Variants in LEKR1 observed in about 807,000 individuals in gnomAD.
The protein encoded by LEKR1 is protein LEKR1.
A neutral mutation model predicts 72.4 loss-of-function variants in LEKR1; 59 were observed. The observed-to-expected ratio is 0.82, with a 90% confidence interval of 0.66 to 1.01. The LOEUF (loss-of-function observed/expected upper bound fraction) is 1.01. Ranked by LOEUF, LEKR1 falls within the 50% of genes least tolerant of loss-of-function variation. The pLI is 0.00. For missense variants in LEKR1, 728 were observed against 759.2 expected (o/e 0.96, Z 0.48); for synonymous variants, 257 against 263.2 (o/e 0.98, Z 0.23).
At chr3:156,920,918 G>A (rs1724136404) in intron 4 of LEKR1, 1 of 263,898 alleles carries the variant, frequency 3.8e-6, no homozygotes, top group South Asian at 1.0e-4. Context: ...TTAGTGCCTT[G>A]TTACTGTTCT....
intron 10 of LEKR1, among the ~76,000 whole-genome samples, chr3:157,012,102 T>C (rs1732938054): frequency 6.6e-6 from 1 of 152,138 alleles, no homozygotes; most frequent in South Asian, 2.1e-4. Context: ...ATAATAAAAG[T>C]AATATTTTAA....
intron 11 of LEKR1, among the ~76,000 whole-genome samples, 161 bp downstream of exon 11, chr3:157,025,085 C>T (rs1276166132): frequency 6.6e-6 from 1 of 152,094 alleles, no homozygotes; most frequent in East Asian, 1.9e-4. Flanking sequence ...GGCTAATTCT[C>T]CAGAATGGAT....
chr3:156,903,503 C>T (rs1381270775), intron 3 of LEKR1, among the ~76,000 whole-genome samples: 4 of 152,026 alleles, frequency 2.6e-5, no homozygotes, highest in Admixed American at 6.6e-5. Context: ...CTATTAGTTA[C>T]GACTCTTGGT....
chr3:157,034,753 A>T (rs2108042349), intron 12 of LEKR1, among the ~76,000 whole-genome samples: 1 of 152,296 alleles, frequency 6.6e-6, no homozygotes, highest in Admixed American at 6.5e-5. Context: ...GCTACAGAGA[A>T]ATCTTTCATA....
chr3:156,870,896 A>T (rs1717850605), intron 3 of LEKR1, among the ~76,000 whole-genome samples: 1 of 152,086 alleles, frequency 6.6e-6, no homozygotes, highest in Non-Finnish European at 1.5e-5. Context: ...ATTGAACTTT[A>T]TCAAATACTT....
intron 5 of LEKR1, among the ~76,000 whole-genome samples, chr3:156,928,219 A>C (rs1724904652): frequency 6.6e-6 from 1 of 152,064 alleles, no homozygotes; most frequent in South Asian, 2.1e-4. Flanking sequence ...AATAGTGGAG[A>C]CATGTCATTA....
chr3:156,860,329 C>T (rs564125195), intron 3 of LEKR1, among the ~76,000 whole-genome samples: 15 of 152,266 alleles, frequency 9.9e-5, no homozygotes, highest in African/African-American at 3.6e-4. Context: ...TAAACATTTC[C>T]TCTTCAGTTT....
intron 9 of LEKR1, among the ~76,000 whole-genome samples, chr3:157,009,974 G>C (rs776650374): frequency 2.0e-5 from 3 of 151,906 alleles, no homozygotes; most frequent in Non-Finnish European, 4.4e-5. Context: ...CAAAATTAAT[G>C]ACATAAAACT....
intron 2 of LEKR1, among the ~76,000 whole-genome samples, chr3:156,839,804 C>T (rs1174793818): frequency 3.9e-5 from 6 of 152,126 alleles, no homozygotes; most frequent in Admixed American, 2.0e-4. Flanking sequence ...ATGATATGGG[C>T]GCTGAAACTA....
intron 9 of LEKR1, among the ~76,000 whole-genome samples, chr3:157,010,605 T>C (rs1487070775): frequency 6.6e-6 from 1 of 152,046 alleles, no homozygotes; most frequent in Non-Finnish European, 1.5e-5. Flanking sequence ...GAATGAGCAA[T>C]AGAGAAGAAT....
rs1334810934 is a variant in LEKR1 at position 156,829,383 on chromosome 3, A to G, written c.48+6A>G. The G allele has an allele frequency of 1.4e-5, 21 of 1,529,598 alleles. No homozygotes were observed. Among genetic ancestry groups the G allele is most frequent in the African/African-American group, 4.1e-5 (3 of 72,816 alleles). The allele number at this position is 1,529,598 out of a possible 1,614,324, so 94.8% of individuals were successfully genotyped here. A position where few individuals can be genotyped will look rare whatever the true frequency, so the allele number is the denominator to read the frequency against. On this transcript the variant is annotated splice_donor_region_variant and intron_variant, in intron 2 of 12. Coordinates refer to ENST00000356539, the MANE Select transcript of LEKR1 (RefSeq NM_001004316.3). ...TGCCTGAAGAAATCCAAAAGGTATG[A>G]TATATTGTGTTGCTACAGCCTAACA...
chr3:156,952,430 T>C (rs1727242103), intron 6 of LEKR1, among the ~76,000 whole-genome samples: 1 of 151,466 alleles, frequency 6.6e-6, no homozygotes, highest in African/African-American at 2.4e-5. Context: ...CTGTGAAGTT[T>C]TGGAGTTTAG....
intron 6 of LEKR1, among the ~76,000 whole-genome samples, chr3:156,966,691 C>T (rs1425690772): frequency 6.6e-6 from 1 of 152,212 alleles, no homozygotes; most frequent in Non-Finnish European, 1.5e-5. Context: ...CCGTAGACTC[C>T]ACCTCTGGGG....
At position 156,959,948 on chromosome 3, in the gene LEKR1, C is replaced by A. The variant is rs1727967555; in HGVS notation, c.745+17234C>A. Among the ~76,000 whole-genome samples, 3 of 152,204 alleles carry A rather than the reference C, an allele frequency of 2.0e-5. No homozygotes were observed. In the South Asian group the frequency reaches 6.2e-4, roughly 32 times the overall value. Reference sequence around the variant, plus strand: ...CTCTCTGCTGTACCTTTCATCCCCCCCACCCATGTTCCCTACCAATGTGGT... The same window carrying A: ...CTCTCTGCTGTACCTTTCATCCCCCACACCCATGTTCCCTACCAATGTGGT... On this transcript the variant is annotated intron_variant, in intron 6 of 12. Coordinates refer to ENST00000356539, the MANE Select transcript of LEKR1 (RefSeq NM_001004316.3).
At chr3:156,984,004 A>G (rs1348841815) in intron 7 of LEKR1, among the ~76,000 whole-genome samples, 1 of 152,168 alleles carries the variant, frequency 6.6e-6, no homozygotes, top group Non-Finnish European at 1.5e-5. Flanking sequence ...AATAGCAAAC[A>G]GATATTAGAA....
chr3:156,880,986 G>T (rs1289361002), intron 3 of LEKR1, among the ~76,000 whole-genome samples: 1 of 152,180 alleles, frequency 6.6e-6, no homozygotes, highest in African/African-American at 2.4e-5. Context: ...ATTAGGTATT[G>T]ATGGGACGTA....
chr3:157,007,442 A>G (rs959025379), intron 9 of LEKR1, among the ~76,000 whole-genome samples: 6 of 152,234 alleles, frequency 3.9e-5, no homozygotes, highest in Non-Finnish European at 8.8e-5. Context: ...TCACAGTCCA[A>G]GCAAGAAATG....
chr3:157,025,063 G>A (rs1734091798), intron 11 of LEKR1, 139 bp downstream of exon 11: 1 of 559,904 alleles, frequency 1.8e-6, no homozygotes, highest in Non-Finnish European at 3.1e-6. Flanking sequence ...AGCTATGCAG[G>A]TAAGACGGTT....
chr3:156,899,900 T>G (rs1050714291), intron 3 of LEKR1, among the ~76,000 whole-genome samples: 2 of 151,954 alleles, frequency 1.3e-5, no homozygotes, highest in Non-Finnish European at 2.9e-5. Flanking sequence ...ATAGAATTTA[T>G]TCTAAAGAAT....
Sources: gnomAD v4.1 joint callset for allele counts (sites outside exome capture counted in the v4.1 genomes callset) on GRCh38, gnomAD v4.1.1 for gene constraint, MANE v1.5 for transcripts, NCBI Gene and HGNC (gene_info 2026-07-23, HGNC 2026-07-21) for gene names.